The following C9 variants were observed in gnomAD, a reference collection of about 807,000 sequenced individuals.
The protein encoded by C9 is complement component C9.
C9 carries 63 observed loss-of-function variants against 65.4 expected under a neutral mutation model. That is an observed-to-expected ratio of 0.96 (90% CI 0.79 to 1.19). The LOEUF (loss-of-function observed/expected upper bound fraction) is 1.19. C9 is among the 50% of genes most tolerant of loss of function. C9 has a pLI of 0.00. For synonymous variants in C9, 229 were observed against 227.9 expected (o/e 1.00, Z -0.04); for missense variants, 744 against 670.1 (o/e 1.11, Z -1.22).
intron 10 of C9, among the ~76,000 whole-genome samples, chr5:39,288,168 C>G (rs771851687): frequency 9.2e-4 from 140 of 151,536 alleles, no homozygotes; most frequent in Admixed American, 1.7e-3. Context: ...ATATTTAGTA[C>G]AAGCACAAAA....
At chr5:39,350,957 T>C (rs1670575746) in intron 1 of C9, among the ~76,000 whole-genome samples, 1 of 152,174 alleles carries the variant, frequency 6.6e-6, no homozygotes, top group Admixed American at 6.5e-5. Context: ...GTAGAGGTTC[T>C]CCACAAGGGC....
Position 39,340,985 on chromosome 5 carries a change from G to A in C9, c.476+161C>T, listed in dbSNP as rs146544908. Reference sequence around the variant, plus strand: ...CAAATTATCCTGAGATGCTTATTTAGCACTTCCTTTAAGCTTAAAGGTAGT... The same window carrying A: ...CAAATTATCCTGAGATGCTTATTTAACACTTCCTTTAAGCTTAAAGGTAGT... On this transcript the variant is annotated intron_variant, in intron 4 of 10. Transcript: ENST00000263408. The A allele has an allele frequency of 1.9e-4, 154 of 797,632 alleles. No individual in the cohort carries two copies. In the African/African-American group the frequency reaches 2.4e-3, roughly 12 times the overall value. The allele number at this position is 797,632 out of a possible 1,614,324, so 49.4% of individuals were successfully genotyped here.
At chr5:39,334,106 C>A (rs1394273454) in intron 4 of C9, among the ~76,000 whole-genome samples, 1 of 150,128 alleles carries the variant, frequency 6.7e-6, no homozygotes, top group East Asian at 2.0e-4. Context: ...CTCTGCCTGG[C>A]TGCCCAGTCT....
chr5:39,306,966 A>G (rs374090248), intron 8 of C9, among the ~76,000 whole-genome samples, 174 bp from the exon 9 acceptor site: 2 of 152,164 alleles, frequency 1.3e-5, no homozygotes, highest in South Asian at 4.1e-4. Context: ...CAAATCTACA[A>G]TGGAAATTTA....
chr5:39,296,431 A>C (rs1753187271), intron 9 of C9, among the ~76,000 whole-genome samples: 1 of 151,570 alleles, frequency 6.6e-6, no homozygotes, highest in Non-Finnish European at 1.5e-5. Flanking sequence ...TTCAATATCA[A>C]ACGGATAAAA....
In C9 at chr5:39,336,361, A is replaced by G. The variant is rs1753965047; in HGVS notation, c.477-4547T>C. 2.6e-5 allele frequency among the ~76,000 whole-genome samples: 4 copies of G among 152,126 alleles called. No homozygotes were observed. In the South Asian group the frequency reaches 8.3e-4, roughly 32 times the overall value. On this transcript the variant is annotated intron_variant, in intron 4 of 10. Transcript: ENST00000263408. ...CCCTCACAGAATTTTAACCTAATGTAATATAGTTTATTTTTTAAAGTTTTT... is the reference window on the plus strand; with the variant it reads ...CCCTCACAGAATTTTAACCTAATGTGATATAGTTTATTTTTTAAAGTTTTT...
chr5:39,341,779 A>G (rs1426311501), intron 2 of C9, 79 bp from the exon 3 acceptor site: 6 of 1,271,024 alleles, frequency 4.7e-6, no homozygotes, highest in Admixed American at 1.7e-5. Flanking sequence ...CCATACAACT[A>G]TATCCCTGCA....
chr5:39,345,577 G>A (rs1579874935), intron 1 of C9, among the ~76,000 whole-genome samples: 1 of 152,182 alleles, frequency 6.6e-6, no homozygotes, highest in Admixed American at 6.5e-5. Context: ...AATAATGGGA[G>A]ATTTTAACAC....
chr5:39,346,206 C>A (rs1754191205), intron 1 of C9, among the ~76,000 whole-genome samples: 1 of 152,048 alleles, frequency 6.6e-6, no homozygotes, highest in East Asian at 1.9e-4. Context: ...CACAAAAAAC[C>A]CTTCAAAAAA....
At chr5:39,332,505 T>A (rs80287116) in intron 4 of C9, among the ~76,000 whole-genome samples, 4,560 of 152,330 alleles carry the variant, frequency 0.03, 214 homozygotes, top group African/African-American at 0.1. Flanking sequence ...TAAAAAAGTT[T>A]AATTTTACTT....
intron 5 of C9, among the ~76,000 whole-genome samples, chr5:39,320,370 G>A (rs1753645343): frequency 6.6e-6 from 1 of 151,980 alleles, no homozygotes. Flanking sequence ...ACATAATTAG[G>A]GAGTTAAAGA....
chr5:39,347,688 C>T (rs1016392892), intron 1 of C9, among the ~76,000 whole-genome samples: 1 of 152,084 alleles, frequency 6.6e-6, no homozygotes, highest in Admixed American at 6.5e-5. Flanking sequence ...TCATATGGAA[C>T]CACAAAAGAG....
At chr5:39,352,788 C>T (rs576539588) in intron 1 of C9, among the ~76,000 whole-genome samples, 27 of 151,774 alleles carry the variant, frequency 1.8e-4, no homozygotes, top group Middle Eastern at 6.8e-3. Context: ...CATTCAGTTA[C>T]GAGAAACCTT....
chr5:39,341,596 A>G lies in C9; in HGVS notation c.288T>C (p.Asp96=). The change falls in exon 3 of 11, where the codon GAT becomes GAC. Residue 96 remains aspartate (D), a synonymous_variant. Coordinates refer to ENST00000263408, the MANE Select transcript of C9 (RefSeq NM_001737.5). ...RQCVPTEPCE[D]AEDDCGNDFQ... ...AGTCATTTCCGCAGTCATCCTCAGC[A>G]TCCTCACAGGGCTCTGTGGGCACAC... is the stretch of plus-strand genomic sequence containing the variant. 6.2e-7 allele frequency: 1 copy of G among 1,614,056 alleles called. No homozygotes were observed.
chr5:39,356,865 C>T (rs1461818056), intron 1 of C9, among the ~76,000 whole-genome samples: 1 of 152,216 alleles, frequency 6.6e-6, no homozygotes, highest in Middle Eastern at 3.2e-3. Context: ...ACAACACTTA[C>T]CACCTGCCTA....
chr5:39,320,305 T>C (rs761796408), intron 5 of C9, among the ~76,000 whole-genome samples: 29 of 151,918 alleles, frequency 1.9e-4, no homozygotes, highest in Admixed American at 5.2e-4. Context: ...AGAAGTTCAA[T>C]AGAGAGAAAG....
intron 6 of C9, among the ~76,000 whole-genome samples, chr5:39,313,780 T>A (rs1046065689): frequency 3.3e-5 from 5 of 152,190 alleles, no homozygotes; most frequent in Middle Eastern, 3.2e-3. Flanking sequence ...AATGTATAGC[T>A]CAATTCCAGG....
chr5:39,344,206 C>T (rs987788869), intron 1 of C9, among the ~76,000 whole-genome samples: 2 of 152,194 alleles, frequency 1.3e-5, no homozygotes, highest in African/African-American at 4.8e-5. Flanking sequence ...AAGAAGGCTA[C>T]AGACGATCAG....
chr5:39,352,478 G>A (rs1754339522), intron 1 of C9, among the ~76,000 whole-genome samples: 1 of 152,146 alleles, frequency 6.6e-6, no homozygotes, highest in Non-Finnish European at 1.5e-5. Context: ...CTTCTCCCTT[G>A]TATTTATTGT....
Sources: gnomAD v4.1 joint callset for allele counts (sites outside exome capture counted in the v4.1 genomes callset) on GRCh38, gnomAD v4.1.1 for gene constraint, MANE v1.5 for transcripts, NCBI Gene and HGNC (gene_info 2026-07-23, HGNC 2026-07-21) for gene names.